CTNNA2: variants seen among roughly 807,000 people sequenced by gnomAD.
CTNNA2 encodes catenin alpha-2.
In CTNNA2, 42 loss-of-function variants were observed where a neutral mutation model predicts 101.0. The ratio of observed to expected loss-of-function variants is 0.42; its 90% CI spans 0.32 to 0.54. The LOEUF (loss-of-function observed/expected upper bound fraction) is 0.54. Ranked by LOEUF, CTNNA2 falls within the 20% of genes least tolerant of loss-of-function variation. The pLI is 0.14. For synonymous variants in CTNNA2, 450 were observed against 456.4 expected, an observed-to-expected ratio of 0.99 and a Z score of 0.18; for missense variants, 871 against 1,223.1, an observed-to-expected ratio of 0.71 and a Z score of 4.29.
intron 7 of CTNNA2, among the ~76,000 whole-genome samples, chr2:80,324,445 A>G (rs1370018508): frequency 6.6e-6 from 1 of 152,130 alleles, no homozygotes; most frequent in Non-Finnish European, 1.5e-5. Context: ...CTCGGGGTTA[A>G]GCCCCTACTT....
chr2:79,219,022 A>G (rs28480055), intron 2 of CTNNA2, among the ~76,000 whole-genome samples: 65,871 of 152,118 alleles, frequency 0.43, 15,510 homozygotes, highest in Non-Finnish European at 0.53. Context: ...GTGTGTATGT[A>G]TGTATAGTAC....
chr2:79,381,520 A>G (rs574468392), intron 4 of CTNNA2, among the ~76,000 whole-genome samples: 1 of 152,358 alleles, frequency 6.6e-6, no homozygotes, highest in South Asian at 2.1e-4. Context: ...TAACCTCTTA[A>G]TGACATGTCT....
At chr2:79,636,640 A>G (rs1256742175) in intron 1 of CTNNA2, among the ~76,000 whole-genome samples, 1 of 152,176 alleles carries the variant, frequency 6.6e-6, no homozygotes, top group Non-Finnish European at 1.5e-5. Context: ...TAGATAAGGA[A>G]TGTGTGATCA....
intron 1 of CTNNA2, chr2:79,649,229 T>C (rs1424740174): frequency 1.9e-5 from 3 of 154,692 alleles, no homozygotes; most frequent in Non-Finnish European, 4.4e-5. Context: ...AGCTATAATT[T>C]TATGTGCCTT....
intron 2 of CTNNA2, among the ~76,000 whole-genome samples, chr2:79,276,256 G>T (rs995445329): frequency 6.6e-6 from 1 of 152,038 alleles, no homozygotes; most frequent in African/African-American, 2.4e-5. Flanking sequence ...CTGCATTCTT[G>T]CTTATGTATT....
At chr2:80,226,978 A>G (rs1414467496) in intron 7 of CTNNA2, among the ~76,000 whole-genome samples, 1 of 152,138 alleles carries the variant, frequency 6.6e-6, no homozygotes, top group Non-Finnish European at 1.5e-5. Flanking sequence ...GTATGTTATC[A>G]TGGATGCTAA....
At chr2:80,636,559 A>C (rs897340722) in intron 18 of CTNNA2, among the ~76,000 whole-genome samples, 1 of 152,134 alleles carries the variant, frequency 6.6e-6, no homozygotes, top group African/African-American at 2.4e-5. Flanking sequence ...CGAATGAGGT[A>C]AGGTGGTGTC....
chr2:79,567,839 C>G (rs1309803807), intron 1 of CTNNA2, among the ~76,000 whole-genome samples: 9 of 151,990 alleles, frequency 5.9e-5, no homozygotes, highest in Non-Finnish European at 2.9e-5. Context: ...AGGGACCATC[C>G]AAACTGGAGG....
At chr2:80,393,338 T>C (rs1677700027) in intron 8 of CTNNA2, 47 bp downstream of exon 8, 8 of 1,332,428 alleles carry the variant, frequency 6.0e-6, no homozygotes, top group Non-Finnish European at 7.4e-6. Context: ...TCAGTAGTGG[T>C]TTCCAACAAT....
chr2:80,583,724 A>G (rs1019131275), intron 14 of CTNNA2, among the ~76,000 whole-genome samples: 1 of 152,150 alleles, frequency 6.6e-6, no homozygotes, highest in Non-Finnish European at 1.5e-5. Flanking sequence ...TAGAGTCGCA[A>G]TATACTTCTG....
chr2:80,344,731 C>T (rs142871167), intron 7 of CTNNA2, among the ~76,000 whole-genome samples: 2 of 152,300 alleles, frequency 1.3e-5, no homozygotes, highest in Admixed American at 6.5e-5. Context: ...AGTGATTCTC[C>T]CTTCTTGGCT....
At position 79,711,006 on chromosome 2, in the gene CTNNA2, G is replaced by A. The variant is rs186479566; in HGVS notation, c.103-33381G>A. Reference sequence around the variant, plus strand: ...CTGAACAAGAGGAAAAGAAATGTTGGATTATTCATAAAATGCGCTCATTTT... The same window carrying A: ...CTGAACAAGAGGAAAAGAAATGTTGAATTATTCATAAAATGCGCTCATTTT... On this transcript the variant is annotated intron_variant, in intron 2 of 18. Transcript: ENST00000402739. 1.6e-3 allele frequency among the ~76,000 whole-genome samples: 240 copies of A among 152,262 alleles called. 1 individual carries two copies. Among genetic ancestry groups the A allele is most frequent in the African/African-American group, 5.6e-3 (231 of 41,554 alleles).
intron 4 of CTNNA2, among the ~76,000 whole-genome samples, chr2:79,451,096 G>A (rs1410458585): frequency 6.6e-6 from 1 of 152,054 alleles, no homozygotes; most frequent in African/African-American, 2.4e-5. Context: ...GGGAGAATGT[G>A]CAAACTCCAC....
intron 6 of CTNNA2, among the ~76,000 whole-genome samples, chr2:79,894,906 A>T (rs926972162): frequency 6.6e-6 from 1 of 152,234 alleles, no homozygotes; most frequent in East Asian, 1.9e-4. Flanking sequence ...TTAAATGAAT[A>T]TATTAACTGT....
At chr2:80,502,298 G>A (rs992248752) in intron 9 of CTNNA2, among the ~76,000 whole-genome samples, 25 of 152,024 alleles carry the variant, frequency 1.6e-4, no homozygotes, top group African/African-American at 6.0e-4. Context: ...CAAAATAATG[G>A]GATTTAACCT....
chr2:79,792,512 G>T (rs1463936018), intron 3 of CTNNA2, among the ~76,000 whole-genome samples: 5 of 152,126 alleles, frequency 3.3e-5, no homozygotes, highest in African/African-American at 1.2e-4. Context: ...ATGAAGGAAG[G>T]CCTTGTGTCT....
chr2:80,161,371 G>C (rs1704307888), intron 7 of CTNNA2, among the ~76,000 whole-genome samples: 1 of 152,010 alleles, frequency 6.6e-6, no homozygotes, highest in Non-Finnish European at 1.5e-5. Context: ...AAAAGGAACA[G>C]TACGAACGCT....
chr2:79,842,472 G>A (rs1369456523), intron 3 of CTNNA2, among the ~76,000 whole-genome samples: 1 of 152,112 alleles, frequency 6.6e-6, no homozygotes, highest in African/African-American at 2.4e-5. Context: ...GCTATTACTA[G>A]CATCATCCGC....
chr2:80,149,774 T>TCACACACACACACA lies in CTNNA2; in HGVS notation c.1056+240006_1056+240019dup, dbSNP rs10595115. ...TCAGGGAATACTCGATTAGAATGGA[T>TCACACACACACACA]CACACACACACACACACACACACAC... On this transcript the variant is annotated intron_variant, in intron 7 of 18. Transcript: ENST00000402739. Among the ~76,000 whole-genome samples the TCACACACACACACA allele has an allele frequency of 4.8e-4, 69 of 143,384 alleles. 1 individual carries two copies. The highest frequency in any genetic ancestry group is 3.2e-3 in the South Asian group (14 of 4,330). 94.1% of individuals were successfully genotyped at this position (143,384 alleles called of 152,430 possible). A position where few individuals can be genotyped will look rare whatever the true frequency, so the allele number is the denominator to read the frequency against.
Sources: gnomAD v4.1 joint callset for allele counts (sites outside exome capture counted in the v4.1 genomes callset) on GRCh38, gnomAD v4.1.1 for gene constraint, MANE v1.5 for transcripts, NCBI Gene and HGNC (gene_info 2026-07-23, HGNC 2026-07-21) for gene names.